Variants in FNDC3B observed in about 807,000 individuals in gnomAD.
The protein encoded by FNDC3B is fibronectin type III domain containing 3B, also known as fibronectin type III domain-containing protein 3B.
Under a neutral mutation model 151.5 loss-of-function variants are expected in FNDC3B, and 12 were observed. That is an observed-to-expected ratio of 0.08 (90% CI 0.05 to 0.13). The LOEUF (loss-of-function observed/expected upper bound fraction) is 0.13, where lower values mean the gene tolerates loss of function less well. Ranked by LOEUF, FNDC3B falls within the 10% of genes least tolerant of loss-of-function variation. The probability of loss-of-function intolerance (pLI) is 1.00; values close to 1 mark genes in which losing one functional copy is unlikely to be tolerated. For synonymous variants in FNDC3B, 528 were observed against 549.0 expected, an observed-to-expected ratio of 0.96 and a Z score of 0.54; for missense variants, 1,214 against 1,505.3, an observed-to-expected ratio of 0.81 and a Z score of 3.20.
Position 172,398,215 on chromosome 3 carries a change from GT to G in FNDC3B, c.*742del, listed in dbSNP as rs1736390762. On this transcript the variant is annotated 3_prime_UTR_variant, in exon 26 of 26. Coordinates refer to ENST00000415807, the MANE Select transcript of FNDC3B (RefSeq NM_022763.4). ...AACTTTAAGAGGGCATTGTGCAATA[GT>G]TAGTTGTTTTCTTGTTCAGCTATTT... 1.3e-5 allele frequency: 2 copies of G among 152,616 alleles called. No individual in the cohort carries two copies. The highest frequency in any genetic ancestry group is 4.8e-5 in the African/African-American group (2 of 41,446). The allele number at this position is 152,616 out of a possible 1,614,324, so 9.5% of individuals were successfully genotyped here. A position where few individuals can be genotyped will look rare whatever the true frequency, so the allele number is the denominator to read the frequency against.
intron 11 of FNDC3B, among the ~76,000 whole-genome samples, chr3:172,323,148 G>A (rs1732176103): frequency 6.6e-6 from 1 of 151,372 alleles, no homozygotes; most frequent in Non-Finnish European, 1.5e-5. Context: ...GTAGTAAGGG[G>A]GTAAAAGAAA....
intron 2 of FNDC3B, among the ~76,000 whole-genome samples, chr3:172,128,642 T>A (rs1046116059): frequency 3.3e-5 from 5 of 152,318 alleles, no homozygotes; most frequent in Middle Eastern, 3.4e-3. Flanking sequence ...ACTCTTCTCA[T>A]GTAGTCAAAG....
At chr3:172,097,686 T>A (rs566675671) in intron 1 of FNDC3B, among the ~76,000 whole-genome samples, 7 of 152,372 alleles carry the variant, frequency 4.6e-5, no homozygotes, top group African/African-American at 1.7e-4. Flanking sequence ...AAAAATTGTG[T>A]ATACATATAT....
At chr3:172,296,940 G>C (rs576497269) in intron 8 of FNDC3B, among the ~76,000 whole-genome samples, 1 of 152,260 alleles carries the variant, frequency 6.6e-6, no homozygotes, top group East Asian at 1.9e-4. Flanking sequence ...CGGGACAACT[G>C]TGGATAGAGT....
intron 4 of FNDC3B, among the ~76,000 whole-genome samples, chr3:172,231,878 C>CG (rs1177183137): frequency 1.8e-5 from 2 of 111,930 alleles, no homozygotes; most frequent in African/African-American, 6.5e-5. Context: ...CTTTATTTAC[C>CG]GTTTTTTTTT....
At chr3:172,227,076 T>A in intron 4 of FNDC3B, 129 bp downstream of exon 4, 1 of 647,508 alleles carries the variant, frequency 1.5e-6, no homozygotes, top group Non-Finnish European at 2.8e-6. Context: ...TTGCCATCAT[T>A]TTGTGGCACC....
At chr3:172,353,124 A>G in intron 22 of FNDC3B, 41 bp downstream of exon 22, 1 of 1,584,738 alleles carries the variant, frequency 6.3e-7, no homozygotes. Flanking sequence ...GCACATCAGC[A>G]CTTGGGGATC....
At chr3:172,380,399 G>A (rs1461106696) in intron 24 of FNDC3B, among the ~76,000 whole-genome samples, 2 of 152,016 alleles carry the variant, frequency 1.3e-5, no homozygotes, top group African/African-American at 4.8e-5. Context: ...ATTTTTAAAG[G>A]CTTTCAATGC....
intron 1 of FNDC3B, among the ~76,000 whole-genome samples, chr3:172,050,183 C>T (rs1316161159): frequency 2.6e-5 from 4 of 151,668 alleles, no homozygotes; most frequent in Non-Finnish European, 5.9e-5. Flanking sequence ...GCCTAAACGT[C>T]GGATGAAAAG....
At chr3:172,146,446 TTGTC>T (rs1721910592) in intron 3 of FNDC3B, among the ~76,000 whole-genome samples, 1 of 152,176 alleles carries the variant, frequency 6.6e-6, no homozygotes, top group South Asian at 2.1e-4. Context: ...AAGTGTCACA[TTGTC>T]TGAGCCCAGG....
At chr3:172,320,281 G>A (rs576090129) in intron 11 of FNDC3B, among the ~76,000 whole-genome samples, 2 of 152,286 alleles carry the variant, frequency 1.3e-5, no homozygotes, top group African/African-American at 4.8e-5. Flanking sequence ...TTGGGAGGCT[G>A]AGGCAGGAGA....
Position 172,400,464 on chromosome 3 carries a change from A to G in FNDC3B, c.*2989A>G, listed in dbSNP as rs1037764808. On this transcript the variant is annotated 3_prime_UTR_variant, in exon 26 of 26. Transcript: ENST00000415807. ...ACAATTCTTTAAATTGAAAGATAAA[A>G]TGTTTTACCTCACTGTTGGACATAC... 1.3e-5 allele frequency: 2 copies of G among 152,652 alleles called. No individual in the cohort carries two copies. Among genetic ancestry groups the G allele is most frequent in the Non-Finnish European group, 2.9e-5 (2 of 68,042 alleles). 9.5% of individuals were successfully genotyped at this position (152,652 alleles called of 1,614,324 possible).
intron 1 of FNDC3B, among the ~76,000 whole-genome samples, chr3:172,076,420 A>G (rs967678267): frequency 3.3e-5 from 5 of 152,208 alleles, no homozygotes; most frequent in Non-Finnish European, 7.3e-5. Context: ...CCAAGCGCTC[A>G]GTCATAGATA....
chr3:172,066,454 G>A (rs1283681773), intron 1 of FNDC3B, among the ~76,000 whole-genome samples: 1 of 152,200 alleles, frequency 6.6e-6, no homozygotes, highest in Non-Finnish European at 1.5e-5. Context: ...ACTCCCTTCT[G>A]CAGCCTGTTT....
intron 1 of FNDC3B, among the ~76,000 whole-genome samples, chr3:172,088,157 TAA>T (rs143394670): frequency 0.037 from 5,575 of 152,272 alleles, 332 homozygotes; most frequent in African/African-American, 0.13. Flanking sequence ...AATTTTTCTA[TAA>T]AGTTATGTGG....
At chr3:172,223,943 A>G (rs1368082036) in intron 3 of FNDC3B, among the ~76,000 whole-genome samples, 5 of 152,256 alleles carry the variant, frequency 3.3e-5, no homozygotes, top group African/African-American at 7.2e-5. Context: ...ACCTGACCAT[A>G]TGAAGTAAGA....
intron 23 of FNDC3B, among the ~76,000 whole-genome samples, chr3:172,363,599 C>T (rs1459731951): frequency 6.6e-6 from 1 of 152,188 alleles, no homozygotes; most frequent in Non-Finnish European, 1.5e-5. Flanking sequence ...AACCAAAATG[C>T]TACTTCCCTG....
intron 1 of FNDC3B, among the ~76,000 whole-genome samples, chr3:172,096,035 A>G (rs1210456425): frequency 1.3e-5 from 2 of 152,222 alleles, no homozygotes; most frequent in Non-Finnish European, 2.9e-5. Context: ...TTGTTCTAAA[A>G]TATCTTAAGC....
At chr3:172,041,421 C>CT (rs1560378058) in intron 1 of FNDC3B, among the ~76,000 whole-genome samples, 2 of 45,682 alleles carry the variant, frequency 4.4e-5, no homozygotes, top group Middle Eastern at 7.6e-3. Context: ...CTCCTTCCTT[C>CT]CTTCCTTCCT....
Sources: allele counts gnomAD v4.1 joint callset (sites outside exome capture counted in the v4.1 genomes callset), GRCh38; gene constraint gnomAD v4.1.1; transcripts MANE v1.5; gene names NCBI Gene and HGNC (gene_info 2026-07-23, HGNC 2026-07-21).